Variants in SH3D19 observed in about 807,000 individuals in gnomAD.
SH3D19 encodes SH3 domain-containing protein 19.
Under a neutral mutation model 112.1 loss-of-function variants are expected in SH3D19, and 58 were observed. That is an observed-to-expected ratio of 0.52 (90% CI 0.42 to 0.64). The LOEUF (loss-of-function observed/expected upper bound fraction) is 0.64. SH3D19 is among the 30% of genes least tolerant of loss of function. The pLI is 0.00. For missense variants in SH3D19, 1,090 were observed against 1,263.4 expected, an observed-to-expected ratio of 0.86 and a Z score of 2.08; for synonymous variants, 391 against 448.5, an observed-to-expected ratio of 0.87 and a Z score of 1.62.
At chr4:151,178,527 G>A (rs546054390) in intron 4 of SH3D19, among the ~76,000 whole-genome samples, 12 of 152,244 alleles carry the variant, frequency 7.9e-5, no homozygotes, top group African/African-American at 2.9e-4. Flanking sequence ...GTTAATAAAC[G>A]TTAAGCATCA....
intron 1 of SH3D19, among the ~76,000 whole-genome samples, chr4:151,273,612 A>AAAAAAG (rs1773385082): frequency 6.7e-6 from 1 of 150,320 alleles, no homozygotes; most frequent in African/African-American, 2.4e-5. Context: ...AAAAAAAAAA[A>AAAAAAG]AAGAAGTCCA....
At chr4:151,251,425 C>T (rs1439021603) in intron 1 of SH3D19, among the ~76,000 whole-genome samples, 1 of 152,136 alleles carries the variant, frequency 6.6e-6, no homozygotes, top group Non-Finnish European at 1.5e-5. Context: ...GTCTCGAACT[C>T]CTGATCACAA....
At chr4:151,228,121 G>T in intron 1 of SH3D19, 1 of 801,458 alleles carries the variant, frequency 1.2e-6, no homozygotes, top group Non-Finnish European at 1.5e-6. Context: ...TCTTCTCATA[G>T]CACTTTTCTA....
intron 1 of SH3D19, chr4:151,283,254 G>T (rs753141896): frequency 6.2e-7 from 1 of 1,613,660 alleles, no homozygotes; most frequent in Non-Finnish European, 8.5e-7. Flanking sequence ...GATTTGTGCT[G>T]GTGATACTCA....
intron 1 of SH3D19, among the ~76,000 whole-genome samples, chr4:151,256,013 G>GGGGAGAGGGAGGGGGAGA (rs1771877935): frequency 9.5e-6 from 1 of 105,270 alleles, no homozygotes; most frequent in African/African-American, 3.5e-5. Flanking sequence ...GGAAAGAGAG[G>GGGGAGAGGGAGGGGGAGA]GGGAGAGGGA....
In SH3D19 at chr4:151,219,483, G is replaced by A. The variant is rs115631204; in HGVS notation, c.152+6564C>T. Among the ~76,000 whole-genome samples, 438 of 152,206 alleles carry A rather than the reference G, an allele frequency of 2.9e-3. 1 individual carries two copies. The highest frequency in any genetic ancestry group is 0.01 in the African/African-American group (426 of 41,520). On this transcript the variant is annotated intron_variant, in intron 2 of 19. Coordinates refer to ENST00000604030, the MANE Select transcript of SH3D19 (RefSeq NM_001378122.1). ...CCTGAATAAAGTCTTCCTTACAGTT[G>A]TACCAAATTACATACTCTCATATGT...
chr4:151,143,841 A>C, intron 12 of SH3D19, 69 bp downstream of exon 12: 1 of 1,487,680 alleles, frequency 6.7e-7, no homozygotes, highest in Non-Finnish European at 9.1e-7. Flanking sequence ...AAGATGAGAT[A>C]TAATTAATAG....
At chr4:151,198,446 A>AAATATATATTATATAAAATATATATAT (rs1763899333) in intron 2 of SH3D19, among the ~76,000 whole-genome samples, 2 of 131,270 alleles carry the variant, frequency 1.5e-5, no homozygotes, top group African/African-American at 3.4e-5. Flanking sequence ...AATATATATA[A>AAATATATATTATATAAAATATATATAT]AAATATATAT....
intron 1 of SH3D19, chr4:151,282,355 G>A (rs1046583963): frequency 3.1e-6 from 5 of 1,613,812 alleles, no homozygotes; most frequent in Non-Finnish European, 4.2e-6. Context: ...TCACAAAGCA[G>A]TTGGCAATTC....
intron 6 of SH3D19, among the ~76,000 whole-genome samples, chr4:151,175,974 G>A (rs575035224): frequency 1.3e-5 from 2 of 151,910 alleles, no homozygotes; most frequent in East Asian, 1.9e-4. Flanking sequence ...GTGCTCAAGC[G>A]ATCCTCTCAC....
intron 1 of SH3D19, among the ~76,000 whole-genome samples, chr4:151,312,980 T>C (rs1729617637): frequency 6.6e-6 from 1 of 151,272 alleles, no homozygotes; most frequent in South Asian, 2.1e-4. Context: ...TCCCAGCTAC[T>C]TGGGAGGCTG....
At chr4:151,268,183 C>G (rs1160965566) in intron 1 of SH3D19, among the ~76,000 whole-genome samples, 1 of 152,168 alleles carries the variant, frequency 6.6e-6, no homozygotes, top group Non-Finnish European at 1.5e-5. Flanking sequence ...AGTTACTGTA[C>G]TGAACACTGT....
At chr4:151,307,626 T>C (rs1384176179) in intron 1 of SH3D19, among the ~76,000 whole-genome samples, 1 of 152,240 alleles carries the variant, frequency 6.6e-6, no homozygotes, top group African/African-American at 2.4e-5. Flanking sequence ...TGAGGATAGT[T>C]GGGAAGGCCT....
At position 151,128,328 on chromosome 4, in the gene SH3D19, T is replaced by A; in HGVS notation, c.2771A>T (p.Glu924Val). 6.2e-7 allele frequency: 1 copy of A among 1,613,862 alleles called. No homozygotes were observed. The highest frequency in any genetic ancestry group is 1.3e-5 in the African/African-American group (1 of 75,032). Residue 924 changes from glutamate (E) to valine (V), a missense_variant, in exon 18 of 20, where the codon GAA becomes GTA. Glu to Val is a moderately radical substitution (Grantham distance 121). Coordinates refer to ENST00000604030, the MANE Select transcript of SH3D19 (RefSeq NM_001378122.1). ...CTCTGCTGTAAAACTGTGAAGAGCTTCACACCATTCTGCCGGAAGACTGTT... is the reference window on the plus strand; with the variant it reads ...CTCTGCTGTAAAACTGTGAAGAGCTACACACCATTCTGCCGGAAGACTGTT... ...QVNSLPAEWCEALHSFTAETS... is the reference protein window; with the variant it reads ...QVNSLPAEWCVALHSFTAETS...
chr4:151,193,867 C>A (rs1763009636), intron 2 of SH3D19, among the ~76,000 whole-genome samples: 1 of 152,156 alleles, frequency 6.6e-6, no homozygotes, highest in East Asian at 1.9e-4. Context: ...GAATTAATAA[C>A]CAGAATAAAA....
In SH3D19 at chr4:151,144,161, T is replaced by C. The variant is rs3736503; in HGVS notation, c.2083-111A>G. ...AGCATTTAATAATGTGTAATGGTAG[T>C]AACAGAGGCCAGTAATTTTTTTTTT... On this transcript the variant is annotated intron_variant, in intron 11 of 19. Transcript: ENST00000604030. 78 of 1,597,136 alleles carry C rather than the reference T, an allele frequency of 4.9e-5. No homozygotes were observed. The East Asian group carries it at 1.5e-3, about 30-fold the overall frequency.
chr4:151,138,067 C>A (rs566430622), intron 13 of SH3D19, among the ~76,000 whole-genome samples: 2 of 152,172 alleles, frequency 1.3e-5, no homozygotes, highest in East Asian at 3.9e-4. Flanking sequence ...CCAAATTAGA[C>A]ACATTTACCA....
At chr4:151,146,999 G>A (rs1754035225) in intron 11 of SH3D19, among the ~76,000 whole-genome samples, 1 of 152,130 alleles carries the variant, frequency 6.6e-6, no homozygotes, top group African/African-American at 2.4e-5. Context: ...GAAAATGAGG[G>A]AAAAACCATC....
chr4:151,147,094 A>G (rs1401159795), intron 11 of SH3D19, among the ~76,000 whole-genome samples: 2 of 152,180 alleles, frequency 1.3e-5, no homozygotes, highest in Non-Finnish European at 2.9e-5. Context: ...TCATGATATA[A>G]ACTATAAGCC....
Sources: allele counts gnomAD v4.1 joint callset (sites outside exome capture counted in the v4.1 genomes callset), GRCh38; gene constraint gnomAD v4.1.1; transcripts MANE v1.5; gene names NCBI Gene and HGNC (gene_info 2026-07-23, HGNC 2026-07-21).